PDE3A: variants seen among roughly 807,000 people sequenced by gnomAD.
PDE3A encodes the protein phosphodiesterase 3A, also known as cGMP-inhibited 3',5'-cyclic phosphodiesterase 3A.
Under a neutral mutation model 98.3 loss-of-function variants are expected in PDE3A, and 43 were observed. The ratio of observed to expected loss-of-function variants is 0.44; its 90% CI spans 0.34 to 0.56. PDE3A has a LOEUF of 0.56. Among genes scored for constraint, PDE3A ranks in the 20% least tolerant of loss-of-function variants. The pLI is 0.01. For synonymous variants in PDE3A, 663 were observed against 567.9 expected (o/e 1.17, Z -2.38); for missense variants, 1,427 against 1,440.7 (o/e 0.99, Z 0.15).
chr12:20,601,486 A>AAAC (rs1943590181), intron 2 of PDE3A, among the ~76,000 whole-genome samples: 1 of 152,210 alleles, frequency 6.6e-6, no homozygotes, highest in Non-Finnish European at 1.5e-5. Flanking sequence ...AAGTTCCACA[A>AAAC]AACAGTGTGT....
chr12:20,600,036 G>A (rs758065628), intron 2 of PDE3A, among the ~76,000 whole-genome samples: 11 of 152,088 alleles, frequency 7.2e-5, no homozygotes, highest in Non-Finnish European at 1.3e-4. Flanking sequence ...TACACTCCCA[G>A]TTCTTACTTG....
chr12:20,511,727 T>C (rs532962976), intron 1 of PDE3A, among the ~76,000 whole-genome samples: 1 of 152,150 alleles, frequency 6.6e-6, no homozygotes, highest in South Asian at 2.1e-4. Flanking sequence ...CTCACAGTGG[T>C]TCCTTCCAAA....
chr12:20,500,826 G>A (rs1461758788), intron 1 of PDE3A, among the ~76,000 whole-genome samples: 2 of 147,540 alleles, frequency 1.4e-5, no homozygotes, highest in African/African-American at 5.1e-5. Flanking sequence ...GGAGTACAGT[G>A]GCGCCATCTC....
At chr12:20,645,818 T>C (rs1434951617) in intron 10 of PDE3A, among the ~76,000 whole-genome samples, 1 of 152,114 alleles carries the variant, frequency 6.6e-6, no homozygotes, top group Non-Finnish European at 1.5e-5. Flanking sequence ...GGTTTTCCTG[T>C]AGGTTTTAAC....
At chr12:20,571,965 C>G in intron 2 of PDE3A, 2 of 1,056,528 alleles carry the variant, frequency 1.9e-6, no homozygotes, top group South Asian at 5.5e-5. Flanking sequence ...GCACACAGAA[C>G]TTTCATTTAA....
chr12:20,500,364 T>C (rs1278509255), intron 1 of PDE3A, among the ~76,000 whole-genome samples: 1 of 152,200 alleles, frequency 6.6e-6, no homozygotes, highest in African/African-American at 2.4e-5. Context: ...TATTTTTAAC[T>C]GATGGCAATA....
At chr12:20,606,709 T>G (rs1943717877) in intron 2 of PDE3A, among the ~76,000 whole-genome samples, 1 of 151,442 alleles carries the variant, frequency 6.6e-6, no homozygotes, top group Non-Finnish European at 1.5e-5. Flanking sequence ...AAATACAAAA[T>G]TAGTTGGGCA....
intron 1 of PDE3A, among the ~76,000 whole-genome samples, chr12:20,505,151 A>C (rs1371370079): frequency 6.6e-6 from 1 of 152,122 alleles, no homozygotes; most frequent in Non-Finnish European, 1.5e-5. Context: ...ACCAGCAATT[A>C]CTTTCTATAG....
Position 20,687,925 on chromosome 12 carries a change from A to AAAAAAAAAAAAAAAC in PDE3A, c.*7666_*7667insAACAAAAAAAAAAAA. 6.6e-6 allele frequency among the ~76,000 whole-genome samples: 1 copy of AAAAAAAAAAAAAAAC among 150,588 alleles called. No homozygotes were observed. Among genetic ancestry groups the AAAAAAAAAAAAAAAC allele is most frequent in the African/African-American group, 2.4e-5 (1 of 41,138 alleles). On this transcript the variant is annotated 3_prime_UTR_variant, in exon 16 of 16. Transcript: ENST00000359062. ...ACCTCTTCCCAACAGAAAAAAAAAAAAAAAAAAAAAAACTGGCATTGGCAA... is the reference window on the plus strand; with the variant it reads ...ACCTCTTCCCAACAGAAAAAAAAAAAAAAAAAAAAAAAAACAAAAAAAAAAAACTGGCATTGGCAA...
intron 2 of PDE3A, among the ~76,000 whole-genome samples, chr12:20,605,688 A>AAACTT (rs772956495): frequency 3.3e-5 from 5 of 152,162 alleles, no homozygotes; most frequent in Non-Finnish European, 7.4e-5. Flanking sequence ...AGTCATCATA[A>AAACTT]AACTTAAGAT....
rs1396008643 is a variant in PDE3A, at chr12:20,685,449, A to G, written c.*5178A>G. ...AAAAAAAAAGAACATTTTTTGGCAA[A>G]ATATGAAGACACGAAACTGAAGATA... On this transcript the variant is annotated 3_prime_UTR_variant, in exon 16 of 16. Coordinates refer to ENST00000359062, the MANE Select transcript of PDE3A (RefSeq NM_000921.5). Among the ~76,000 whole-genome samples the G allele has an allele frequency of 1.3e-5, 2 of 150,468 alleles. No homozygotes were observed. The highest frequency in any genetic ancestry group is 4.9e-5 in the African/African-American group (2 of 40,500).
intron 1 of PDE3A, among the ~76,000 whole-genome samples, chr12:20,489,456 G>T (rs1250843117): frequency 6.6e-6 from 1 of 152,094 alleles, no homozygotes; most frequent in Non-Finnish European, 1.5e-5. Context: ...ATTGTTTTGG[G>T]TCTCAGTAAA....
rs925190067 is a variant in PDE3A at position 20,687,416 on chromosome 12, T to C, written c.*7145T>C. ...AATGGCTTTACTTAATACATATTTG[T>C]TCATCAGCTTAAAAAATCACTAAAT... On this transcript the variant is annotated 3_prime_UTR_variant, in exon 16 of 16. Transcript: ENST00000359062. Among the ~76,000 whole-genome samples the C allele has an allele frequency of 2.6e-5, 4 of 152,106 alleles. No homozygotes were observed. The highest frequency in any genetic ancestry group is 9.6e-5 in the African/African-American group (4 of 41,454).
At chr12:20,370,578 T>C (rs1943454720) in intron 1 of PDE3A, among the ~76,000 whole-genome samples, 1 of 152,172 alleles carries the variant, frequency 6.6e-6, no homozygotes, top group Non-Finnish European at 1.5e-5. Context: ...TTTTCAGTAC[T>C]CTTACGCTTT....
intron 1 of PDE3A, among the ~76,000 whole-genome samples, chr12:20,439,291 T>G (rs556647030): frequency 2.0e-5 from 3 of 152,314 alleles, no homozygotes; most frequent in African/African-American, 7.2e-5. Context: ...GTTGGAAAGT[T>G]ACTCTAAATT....
chr12:20,470,560 T>C (rs912529899), intron 1 of PDE3A, among the ~76,000 whole-genome samples: 10 of 152,168 alleles, frequency 6.6e-5, no homozygotes, highest in Non-Finnish European at 1.3e-4. Flanking sequence ...AAGTGTGTTA[T>C]AATTTACAAC....
chr12:20,556,786 G>T, intron 2 of PDE3A, 76 bp downstream of exon 2: 1 of 1,077,716 alleles, frequency 9.3e-7, no homozygotes, highest in Non-Finnish European at 1.4e-6. Context: ...AAACTCAAGA[G>T]ATAATAAAAT....
chr12:20,540,919 A>C (rs181185178), intron 1 of PDE3A, among the ~76,000 whole-genome samples: 3 of 151,962 alleles, frequency 2.0e-5, no homozygotes, highest in Admixed American at 6.6e-5. Flanking sequence ...AGCAAAGAGA[A>C]TGTGTTTAAT....
chr12:20,547,793 AAAC>A (rs1215412477), intron 1 of PDE3A, among the ~76,000 whole-genome samples: 1 of 152,128 alleles, frequency 6.6e-6, no homozygotes, highest in Non-Finnish European at 1.5e-5. Context: ...TTACGTAAAC[AAAC>A]AACAGGAGAA....
Sources: allele counts gnomAD v4.1 joint callset (sites outside exome capture counted in the v4.1 genomes callset), GRCh38; gene constraint gnomAD v4.1.1; transcripts MANE v1.5; gene names NCBI Gene and HGNC (gene_info 2026-07-23, HGNC 2026-07-21).